NDUFAF2: variants seen among roughly 807,000 people sequenced by gnomAD.
NDUFAF2 encodes the protein NADH:ubiquinone oxidoreductase complex assembly factor 2.
A neutral mutation model predicts 22.8 loss-of-function variants in NDUFAF2; 13 were observed. The ratio of observed to expected loss-of-function variants is 0.57; its 90% CI spans 0.37 to 0.91. The LOEUF (loss-of-function observed/expected upper bound fraction) is 0.91. NDUFAF2 is among the 40% of genes least tolerant of loss of function. NDUFAF2 has a pLI of 0.01. For synonymous variants in NDUFAF2, 53 were observed against 64.2 expected (o/e 0.83, Z 0.84); for missense variants, 162 against 195.2 (o/e 0.83, Z 1.01).
intron 1 of NDUFAF2, 73 bp downstream of exon 1, chr5:60,945,455 C>T: frequency 6.2e-7 from 1 of 1,602,114 alleles, no homozygotes; most frequent in Non-Finnish European, 8.5e-7. Context: ...AAAGTGAGAG[C>T]CCCTAGTCAA....
chr5:61,098,519 G>A (rs1250849546), intron 2 of NDUFAF2, among the ~76,000 whole-genome samples: 1 of 152,178 alleles, frequency 6.6e-6, no homozygotes, highest in Non-Finnish European at 1.5e-5. Context: ...TTTGCTTGCT[G>A]GAGCAAATCA....
chr5:61,020,206 A>G (rs1751560743), intron 1 of NDUFAF2, among the ~76,000 whole-genome samples: 1 of 152,140 alleles, frequency 6.6e-6, no homozygotes, highest in African/African-American at 2.4e-5. Context: ...ATTATTTTCA[A>G]AGAACTAGCT....
chr5:61,007,570 A>G (rs538248128), intron 1 of NDUFAF2, among the ~76,000 whole-genome samples: 5 of 152,358 alleles, frequency 3.3e-5, no homozygotes, highest in Admixed American at 1.3e-4. Context: ...ATCACTGGCT[A>G]TCAGAGAAAT....
At chr5:61,124,078 TAATCAGAAC>T (rs1218840043) in intron 3 of NDUFAF2, among the ~76,000 whole-genome samples, 1 of 152,120 alleles carries the variant, frequency 6.6e-6, no homozygotes, top group Non-Finnish European at 1.5e-5. Context: ...CATTTTTCTT[TAATCAGAAC>T]AATATTTAAG....
chr5:61,015,433 C>T (rs1471455003), intron 1 of NDUFAF2, among the ~76,000 whole-genome samples: 1 of 152,072 alleles, frequency 6.6e-6, no homozygotes, highest in Non-Finnish European at 1.5e-5. Flanking sequence ...AGGTGCATGC[C>T]ACCACATCCA....
intron 2 of NDUFAF2, among the ~76,000 whole-genome samples, chr5:61,080,334 T>G (rs1174364355): frequency 6.6e-6 from 1 of 152,216 alleles, no homozygotes; most frequent in East Asian, 1.9e-4. Flanking sequence ...ATTTTAAGTA[T>G]AGATTTGATT....
chr5:61,044,002 C>G (rs1015125753), intron 1 of NDUFAF2, among the ~76,000 whole-genome samples: 2 of 152,162 alleles, frequency 1.3e-5, no homozygotes, highest in African/African-American at 4.8e-5. Context: ...TTCCCCACAT[C>G]CTTGCCAACA....
intron 3 of NDUFAF2, among the ~76,000 whole-genome samples, chr5:61,117,743 T>C (rs1280336234): frequency 3.3e-5 from 5 of 152,176 alleles, no homozygotes; most frequent in African/African-American, 4.8e-5. Flanking sequence ...GCAATTTTTT[T>C]CGGCAGGGTA....
At chr5:61,065,903 T>C (rs1176700638) in intron 1 of NDUFAF2, among the ~76,000 whole-genome samples, 3 of 151,910 alleles carry the variant, frequency 2.0e-5, no homozygotes, top group Non-Finnish European at 4.4e-5. Flanking sequence ...AGTAGAATTA[T>C]CTCTATCTGT....
intron 3 of NDUFAF2, among the ~76,000 whole-genome samples, chr5:61,129,799 G>A (rs975370037): frequency 7.3e-5 from 11 of 151,616 alleles, no homozygotes; most frequent in Non-Finnish European, 1.6e-4. Flanking sequence ...AATAAAAAAG[G>A]AAAAGTACTT....
intron 1 of NDUFAF2, among the ~76,000 whole-genome samples, chr5:60,998,261 A>G (rs1334728709): frequency 1.3e-5 from 2 of 152,166 alleles, no homozygotes; most frequent in Non-Finnish European, 2.9e-5. Flanking sequence ...TACTGAAGAA[A>G]CAAAAAAAAT....
At chr5:61,150,847 T>C (rs1458546536) in intron 3 of NDUFAF2, among the ~76,000 whole-genome samples, 2 of 152,164 alleles carry the variant, frequency 1.3e-5, no homozygotes, top group East Asian at 3.9e-4. Flanking sequence ...CAGTATGATA[T>C]TGAGGAATTT....
chr5:61,021,466 G>A (rs1751583022), intron 1 of NDUFAF2, among the ~76,000 whole-genome samples: 1 of 152,066 alleles, frequency 6.6e-6, no homozygotes. Flanking sequence ...AGGTAATTCA[G>A]GATAACTTCT....
intron 2 of NDUFAF2, among the ~76,000 whole-genome samples, chr5:61,080,219 A>C (rs1461207365): frequency 6.6e-6 from 1 of 152,224 alleles, no homozygotes; most frequent in Non-Finnish European, 1.5e-5. Context: ...ACTTTATAGC[A>C]ATTATGAGTA....
intron 3 of NDUFAF2, among the ~76,000 whole-genome samples, chr5:61,147,339 C>A (rs1741153791): frequency 6.6e-6 from 1 of 151,680 alleles, no homozygotes; most frequent in African/African-American, 2.4e-5. Context: ...GCTTTGACCT[C>A]CTGGGCTCAA....
intron 1 of NDUFAF2, among the ~76,000 whole-genome samples, chr5:60,986,496 A>G (rs965268131): frequency 2.2e-4 from 34 of 152,204 alleles, no homozygotes; most frequent in African/African-American, 7.5e-4. Context: ...TTCTGGCACT[A>G]TACACTCACA....
intron 3 of NDUFAF2, among the ~76,000 whole-genome samples, chr5:61,136,913 G>T (rs1235245497): frequency 6.6e-6 from 1 of 152,148 alleles, no homozygotes; most frequent in African/African-American, 2.4e-5. Flanking sequence ...CATTATATAA[G>T]GTGAATATGG....
intron 1 of NDUFAF2, among the ~76,000 whole-genome samples, chr5:60,945,612 C>G (rs1195843262): frequency 6.6e-6 from 1 of 152,258 alleles, no homozygotes; most frequent in Non-Finnish European, 1.5e-5. Context: ...GCGGTCCCTA[C>G]TACCCAGCGC....
At chr5:61,112,640 G>A (rs1253653094) in intron 3 of NDUFAF2, among the ~76,000 whole-genome samples, 1 of 152,072 alleles carries the variant, frequency 6.6e-6, no homozygotes, top group African/African-American at 2.4e-5. Context: ...CAGGCTATAT[G>A]AGTCTTTATA....
Sources: gnomAD v4.1 joint callset for allele counts (sites outside exome capture counted in the v4.1 genomes callset) on GRCh38, gnomAD v4.1.1 for gene constraint, MANE v1.5 for transcripts, NCBI Gene and HGNC (gene_info 2026-07-23, HGNC 2026-07-21) for gene names.